PARD3B: variants seen among roughly 807,000 people sequenced by gnomAD.
PARD3B encodes the protein par-3 family cell polarity regulator beta.
In PARD3B, 103 loss-of-function variants were observed where a neutral mutation model predicts 130.2. The ratio of observed to expected loss-of-function variants is 0.79; its 90% CI spans 0.67 to 0.93. PARD3B has a LOEUF of 0.93. Ranked by LOEUF, PARD3B falls within the 40% of genes least tolerant of loss-of-function variation. PARD3B has a pLI of 0.00. For missense variants in PARD3B, 1,609 were observed against 1,499.2 expected, an observed-to-expected ratio of 1.07 and a Z score of -1.21; for synonymous variants, 583 against 553.2, an observed-to-expected ratio of 1.05 and a Z score of -0.76.
chr2:204,691,463 G>GCCC (rs2037348731), intron 2 of PARD3B, among the ~76,000 whole-genome samples: 1 of 152,022 alleles, frequency 6.6e-6, no homozygotes, highest in Non-Finnish European at 1.5e-5. Flanking sequence ...GATCACATGT[G>GCCC]ATATCTGGTA....
intron 1 of PARD3B, among the ~76,000 whole-genome samples, chr2:204,679,633 A>C (rs908755050): frequency 1.3e-5 from 2 of 151,900 alleles, no homozygotes; most frequent in Admixed American, 6.6e-5. Flanking sequence ...ATTCATAAGT[A>C]TTTGATTTTA....
intron 18 of PARD3B, among the ~76,000 whole-genome samples, chr2:205,333,501 C>T (rs1039611356): frequency 1.1e-4 from 17 of 152,152 alleles, no homozygotes; most frequent in African/African-American, 3.4e-4. Flanking sequence ...AATGTTTATA[C>T]TTGATTCCTA....
chr2:205,431,995 A>G (rs1442501318), intron 19 of PARD3B, among the ~76,000 whole-genome samples: 1 of 152,142 alleles, frequency 6.6e-6, no homozygotes, highest in African/African-American at 2.4e-5. Flanking sequence ...TAATCATGAG[A>G]AAATATATCA....
Position 205,615,668 on chromosome 2 carries a change from A to G in PARD3B, c.3473A>G (p.Asp1158Gly). The G allele has an allele frequency of 1.2e-6, 2 of 1,613,886 alleles. No homozygotes were observed. Among genetic ancestry groups the G allele is most frequent in the Non-Finnish European group, 1.7e-6 (2 of 1,179,962 alleles). Residue 1158 changes from aspartate (D) to glycine (G), a missense_variant, in exon 23 of 23, where the codon GAC becomes GGC. Physicochemically the swap from Asp to Gly is moderately conservative, Grantham distance 94. Coordinates refer to ENST00000406610, the MANE Select transcript of PARD3B (RefSeq NM_001302769.2). Reference protein sequence around the residue: ...APQHKGPFRQDVPPSPPQHQR... With the variant: ...APQHKGPFRQGVPPSPPQHQR... ...CAGCACAAAGGACCCTTTCGACAAG[A>G]CGTTCCGCCTTCCCCTCCCCAGCAC...
In PARD3B at chr2:205,146,792, A is replaced by G. The variant is rs910120865; in HGVS notation, c.1435-11930A>G. On this transcript the variant is annotated intron_variant, in intron 10 of 22. Transcript: ENST00000406610. The surrounding 1 kb of genome is among the most constrained non-coding windows in gnomAD (Gnocchi z 4.3). ...GCCCAGGGTGGAATGCAGTGGAGCG[A>G]TCTCAGCTCAGTGCATCCTTCGCCT... 3.9e-5 allele frequency among the ~76,000 whole-genome samples: 6 copies of G among 151,976 alleles called. No individual in the cohort carries two copies. Among genetic ancestry groups the G allele is most frequent in the African/African-American group, 1.4e-4 (6 of 41,394 alleles).
At chr2:204,549,612 A>G (rs138394464) in intron 1 of PARD3B, among the ~76,000 whole-genome samples, 129 of 152,290 alleles carry the variant, frequency 8.5e-4, no homozygotes, top group African/African-American at 2.7e-3. Flanking sequence ...ACTCCAGGTG[A>G]TTCTAATGCC....
chr2:205,125,501 T>C lies in PARD3B; in HGVS notation c.1306-108T>C. ...TATTTAGTTATCATCTTTTCAGAGCTTCCTCAAGTATGGGAGCCCATTTGC... is the reference window on the plus strand; with the variant it reads ...TATTTAGTTATCATCTTTTCAGAGCCTCCTCAAGTATGGGAGCCCATTTGC... On this transcript the variant is annotated intron_variant, in intron 9 of 22. Coordinates refer to ENST00000406610, the MANE Select transcript of PARD3B (RefSeq NM_001302769.2). The surrounding 1 kb of genome is among the most constrained non-coding windows in gnomAD (Gnocchi z 4.0). The C allele has an allele frequency of 2.4e-6, 3 of 1,267,122 alleles. No homozygotes were observed. The highest frequency in any genetic ancestry group is 2.2e-6 in the Non-Finnish European group (2 of 914,082). 78.5% of individuals were successfully genotyped at this position (1,267,122 alleles called of 1,614,324 possible).
At chr2:204,680,872 A>G (rs1282541235) in intron 1 of PARD3B, among the ~76,000 whole-genome samples, 1 of 152,110 alleles carries the variant, frequency 6.6e-6, no homozygotes, top group Admixed American at 6.5e-5. Flanking sequence ...GAAATTTGGT[A>G]CACGTTCCAT....
Position 205,461,570 on chromosome 2 carries a change from A to G in PARD3B, c.3044+20898A>G, listed in dbSNP as rs2048456548. Among the ~76,000 whole-genome samples the G allele has an allele frequency of 6.6e-6, 1 of 152,012 alleles. No homozygotes were observed. Among genetic ancestry groups the G allele is most frequent in the South Asian group, 2.1e-4 (1 of 4,818 alleles). On this transcript the variant is annotated intron_variant, in intron 20 of 22. Coordinates refer to ENST00000406610, the MANE Select transcript of PARD3B (RefSeq NM_001302769.2). The surrounding 1 kb of genome is among the most constrained non-coding windows in gnomAD (Gnocchi z 4.3). ...CAGAGACCTAACCTATTTCCCTATC[A>G]CTTATTTTCAGGGCTATGAGGTGCC...
At chr2:204,759,875 CTAATG>C (rs1185069355) in intron 2 of PARD3B, among the ~76,000 whole-genome samples, 3 of 152,064 alleles carry the variant, frequency 2.0e-5, no homozygotes, top group Admixed American at 6.6e-5. Context: ...CTTGTCTGGT[CTAATG>C]TAATCTGTTT....
intron 10 of PARD3B, among the ~76,000 whole-genome samples, chr2:205,141,554 G>A (rs960643640): frequency 5.9e-5 from 9 of 152,120 alleles, no homozygotes; most frequent in Non-Finnish European, 1.2e-4. Context: ...ACTCAGAAGT[G>A]GATATGGTGA....
At chr2:205,467,605 C>A (rs2106245909) in intron 20 of PARD3B, among the ~76,000 whole-genome samples, 1 of 151,976 alleles carries the variant, frequency 6.6e-6, no homozygotes, top group South Asian at 2.1e-4. Flanking sequence ...TTACTTTTTT[C>A]ATGGTGGAAT....
At chr2:205,126,715 C>T (rs1285418875) in intron 10 of PARD3B, among the ~76,000 whole-genome samples, 9 of 125,820 alleles carry the variant, frequency 7.2e-5, no homozygotes, top group Admixed American at 5.3e-4. Flanking sequence ...CACTGCAGTC[C>T]GCAGTCCCAC....
intron 2 of PARD3B, among the ~76,000 whole-genome samples, chr2:204,779,518 A>G (rs1016107581): frequency 5.3e-5 from 8 of 152,238 alleles, no homozygotes; most frequent in Admixed American, 1.3e-4. Flanking sequence ...CCAGAATAAT[A>G]TAGTGAAACA....
At chr2:204,774,476 C>T (rs1390512429) in intron 2 of PARD3B, among the ~76,000 whole-genome samples, 1 of 152,004 alleles carries the variant, frequency 6.6e-6, no homozygotes. Flanking sequence ...GCAGTTTGGA[C>T]TCAGCAAATG....
chr2:205,325,220 G>A lies in PARD3B; in HGVS notation c.2630+23519G>A, dbSNP rs940978514. The stretch of plus-strand genomic sequence containing the variant: ...TTTTGCTGTGGTTTCACAGTTTCTT[G>A]AAGAGCTTAGATTTCTGAGGTGTTA... On this transcript the variant is annotated intron_variant, in intron 18 of 22. Coordinates refer to ENST00000406610, the MANE Select transcript of PARD3B (RefSeq NM_001302769.2). This position sits in a 1 kb window ranked among gnomAD's most constrained non-coding sequence, Gnocchi z 4.1. Among the ~76,000 whole-genome samples, 1 of 152,102 alleles carries A rather than the reference G, an allele frequency of 6.6e-6. No homozygotes were observed.
At chr2:204,691,620 A>T (rs1298555601) in intron 2 of PARD3B, among the ~76,000 whole-genome samples, 5 of 152,144 alleles carry the variant, frequency 3.3e-5, no homozygotes, top group African/African-American at 1.2e-4. Flanking sequence ...CTAGGTAGGT[A>T]AACTATATAA....
intron 2 of PARD3B, among the ~76,000 whole-genome samples, chr2:204,878,011 G>A (rs2045907075): frequency 6.6e-6 from 1 of 152,122 alleles, no homozygotes; most frequent in South Asian, 2.1e-4. Context: ...AGCTGCCTCT[G>A]CCCTTCATTA....
intron 2 of PARD3B, among the ~76,000 whole-genome samples, chr2:204,897,385 G>GTTTTTT (rs56693580): frequency 0.16 from 20,905 of 126,990 alleles, 2,073 homozygotes; most frequent in Non-Finnish European, 0.24. Flanking sequence ...TGTAGGTACT[G>GTTTTTT]TTTTTTTTTT....
Sources: allele counts gnomAD v4.1 joint callset (sites outside exome capture counted in the v4.1 genomes callset), GRCh38; gene constraint gnomAD v4.1.1; non-coding constraint Gnocchi (gnomAD v3.1); transcripts MANE v1.5; gene names NCBI Gene and HGNC (gene_info 2026-07-23, HGNC 2026-07-21).